Variants in ERAP1 observed in about 807,000 individuals in gnomAD.
ERAP1 encodes the protein endoplasmic reticulum aminopeptidase 1, also known as adipocyte-derived leucine aminopeptidase.
A neutral mutation model predicts 103.7 loss-of-function variants in ERAP1; 86 were observed. The ratio of observed to expected loss-of-function variants is 0.83; its 90% CI spans 0.70 to 0.99. ERAP1 has a LOEUF of 0.99. Ranked by LOEUF, ERAP1 falls within the 50% of genes least tolerant of loss-of-function variation. ERAP1 has a pLI of 0.00. For missense variants in ERAP1, 1,009 were observed against 1,128.4 expected (o/e 0.89, Z 1.52); for synonymous variants, 398 against 402.4 (o/e 0.99, Z 0.13).
chr5:96,887,589 C>T, the ERAP1 span, among the ~76,000 whole-genome samples: 6 of 152,064 alleles, frequency 3.9e-5, no homozygotes, highest in Non-Finnish European at 5.9e-5. Flanking sequence ...CGTGAGCCAC[C>T]GTGCCCGACA....
the ERAP1 span, chr5:96,935,567 T>A: frequency 6.5e-6 from 1 of 153,030 alleles, no homozygotes; most frequent in East Asian, 1.9e-4. Flanking sequence ...CAGTGGCACC[T>A]GCTCAGCGAG....
chr5:96,908,268 C>T, the ERAP1 span, among the ~76,000 whole-genome samples: 1 of 152,166 alleles, frequency 6.6e-6, no homozygotes, highest in African/African-American at 2.4e-5. Context: ...AGAAACACAC[C>T]TGAGGAGCAC....
the ERAP1 span, chr5:96,896,805 TAAA>T: frequency 1.5e-6 from 2 of 1,334,026 alleles, no homozygotes; most frequent in Middle Eastern, 4.3e-4. Flanking sequence ...ATTCAGTACT[TAAA>T]GAAGTTCAGC....
the ERAP1 span, chr5:96,915,853 G>A: frequency 8.4e-7 from 1 of 1,188,822 alleles, no homozygotes; most frequent in Middle Eastern, 2.0e-4. Context: ...AATCTGATTT[G>A]AAGTTCTCAT....
the ERAP1 span, among the ~76,000 whole-genome samples, chr5:96,816,056 C>T: frequency 6.6e-6 from 1 of 152,236 alleles, no homozygotes; most frequent in South Asian, 2.1e-4. Context: ...ATTTTCCACA[C>T]GTTAGCCAGA....
At chr5:96,845,323 C>T in the ERAP1 span, among the ~76,000 whole-genome samples, 1 of 152,108 alleles carries the variant, frequency 6.6e-6, no homozygotes, top group Non-Finnish European at 1.5e-5. Context: ...TAACCTCCAC[C>T]TTCCAGGTTC....
At chr5:96,872,897 T>C in the ERAP1 span, among the ~76,000 whole-genome samples, 3 of 152,294 alleles carry the variant, frequency 2.0e-5, no homozygotes, top group Admixed American at 6.5e-5. Flanking sequence ...ATATATTTAA[T>C]AGAAATTCTC....
the ERAP1 span, among the ~76,000 whole-genome samples, chr5:96,917,142 T>C: frequency 6.6e-6 from 1 of 152,230 alleles, no homozygotes; most frequent in African/African-American, 2.4e-5. Flanking sequence ...TGCCTCGCTC[T>C]GTCAGCCAGG....
At chr5:96,872,674 T>C in the ERAP1 span, among the ~76,000 whole-genome samples, 1 of 152,224 alleles carries the variant, frequency 6.6e-6, no homozygotes, top group East Asian at 1.9e-4. Context: ...TTATGAATTG[T>C]CTTTCATATA....
intron 13 of ERAP1, 38 bp from the exon 14 acceptor site, chr5:96,784,118 A>G (rs201687749): frequency 6.2e-7 from 1 of 1,611,368 alleles, no homozygotes; most frequent in South Asian, 1.1e-5. Context: ...TTTAAAAGTA[A>G]ATCCGGGAAG....
rs560226153 is a variant in ERAP1, at chr5:96,788,726, C to A, written c.1525-41G>T. On this transcript the variant is annotated intron_variant, in intron 10 of 18. Transcript: ENST00000443439. Reference sequence around the variant, plus strand: ...AAAGGCAGACACATCACCCATTTAACCCAACTCTAAGAAAAGAGAGAACAC... The same window carrying A: ...AAAGGCAGACACATCACCCATTTAAACCAACTCTAAGAAAAGAGAGAACAC... The A allele has an allele frequency of 3.7e-6, 6 of 1,608,132 alleles. No homozygotes were observed. The African/African-American group carries it at 6.7e-5, about 18-fold the overall frequency.
chr5:96,881,445 C>T, the ERAP1 span: 77 of 456,176 alleles, frequency 1.7e-4, no homozygotes, highest in East Asian at 2.5e-3. Context: ...ATAGAGTGGA[C>T]GGCTTGGTTT....
the ERAP1 span, among the ~76,000 whole-genome samples, chr5:96,858,866 T>C: frequency 6.6e-6 from 1 of 152,136 alleles, no homozygotes; most frequent in African/African-American, 2.4e-5. Flanking sequence ...GTGTGGAACA[T>C]CAGCAAGTCA....
At chr5:96,931,754 C>T in the ERAP1 span, among the ~76,000 whole-genome samples, 1 of 152,176 alleles carries the variant, frequency 6.6e-6, no homozygotes, top group Non-Finnish European at 1.5e-5. Flanking sequence ...GAGTAAGTTC[C>T]TTCTTCCTCC....
At chr5:96,885,076 T>C in the ERAP1 span, among the ~76,000 whole-genome samples, 1 of 152,234 alleles carries the variant, frequency 6.6e-6, no homozygotes, top group Admixed American at 6.5e-5. Context: ...TCAGCCTCCA[T>C]GGACTGTATC....
the ERAP1 span, among the ~76,000 whole-genome samples, chr5:96,824,107 T>G: frequency 2.0e-5 from 3 of 152,334 alleles, no homozygotes; most frequent in East Asian, 1.9e-4. Flanking sequence ...AATTGAAACC[T>G]TGTAAATTGT....
the ERAP1 span, among the ~76,000 whole-genome samples, chr5:96,836,968 T>C: frequency 6.6e-6 from 1 of 152,218 alleles, no homozygotes; most frequent in Non-Finnish European, 1.5e-5. Context: ...TTATTTATAT[T>C]TCAATTTTCA....
At chr5:96,872,791 C>A in the ERAP1 span, among the ~76,000 whole-genome samples, 1 of 152,116 alleles carries the variant, frequency 6.6e-6, no homozygotes, top group Non-Finnish European at 1.5e-5. Context: ...TGTTTCAATT[C>A]TCTTGATCCT....
At chr5:96,783,268 T>C (rs761308278) in intron 14 of ERAP1, 33 bp from the exon 15 acceptor site, 21 of 1,583,440 alleles carry the variant, frequency 1.3e-5, no homozygotes, top group Admixed American at 3.5e-5. Context: ...CAGGGACCAG[T>C]ATTGTCACAG....
Sources: allele counts gnomAD v4.1 joint callset (sites outside exome capture counted in the v4.1 genomes callset), GRCh38; gene constraint gnomAD v4.1.1; transcripts MANE v1.5; gene names NCBI Gene and HGNC (gene_info 2026-07-23, HGNC 2026-07-21).